The following FGF12 variants were observed in gnomAD, a reference collection of about 807,000 sequenced individuals.
The protein encoded by FGF12 is fibroblast growth factor 12, also known as fibroblast growth factor 12B.
A neutral mutation model predicts 23.6 loss-of-function variants in FGF12; 14 were observed. The observed-to-expected ratio is 0.59, with a 90% confidence interval of 0.39 to 0.93. The LOEUF is 0.93. Among genes scored for constraint, FGF12 ranks in the 40% least tolerant of loss-of-function variants. The pLI, the probability that FGF12 is intolerant of heterozygous loss-of-function variation, is 0.00. For missense variants in FGF12, 175 were observed against 217.8 expected, an observed-to-expected ratio of 0.80 and a Z score of 1.24; for synonymous variants, 62 against 77.3, an observed-to-expected ratio of 0.80 and a Z score of 1.04.
chr3:192,680,092 G>T (rs950459387), intron 2 of FGF12, among the ~76,000 whole-genome samples: 1 of 151,900 alleles, frequency 6.6e-6, no homozygotes, highest in East Asian at 1.9e-4. Flanking sequence ...TCGATGTTTC[G>T]CATTGCCTCA....
intron 4 of FGF12, among the ~76,000 whole-genome samples, chr3:192,195,980 T>C (rs546407179): frequency 1.3e-5 from 2 of 152,306 alleles, no homozygotes; most frequent in Admixed American, 1.3e-4. Flanking sequence ...CTAACTGTAT[T>C]ACATACACTT....
chr3:192,194,800 G>C (rs1303353308), intron 4 of FGF12, among the ~76,000 whole-genome samples: 1 of 152,102 alleles, frequency 6.6e-6, no homozygotes, highest in Non-Finnish European at 1.5e-5. Context: ...TAAGGAATTT[G>C]ATCATTTTTA....
intron 2 of FGF12, among the ~76,000 whole-genome samples, chr3:192,585,192 A>T (rs1713324556): frequency 6.6e-6 from 1 of 152,122 alleles, no homozygotes; most frequent in East Asian, 1.9e-4. Flanking sequence ...GGTCCAAACA[A>T]TACTATGGAG....
In FGF12 at chr3:192,706,440, G is replaced by A. The variant is rs555741690; in HGVS notation, c.13+20741C>T. Among the ~76,000 whole-genome samples the A allele has an allele frequency of 9.2e-5, 14 of 152,110 alleles. No individual in the cohort carries two copies. In the South Asian group the frequency reaches 1.0e-3, roughly 11 times the overall value. ...CACGTTAAGTCACCGACTGACCGCC[G>A]AACAGCACCCGGATGAATTCCAGAT... is the stretch of plus-strand genomic sequence containing the variant. On this transcript the variant is annotated intron_variant, in intron 2 of 5. Transcript: ENST00000445105.
At chr3:192,331,255 T>C (rs1577359913) in intron 4 of FGF12, among the ~76,000 whole-genome samples, 1 of 148,526 alleles carries the variant, frequency 6.7e-6, no homozygotes, top group East Asian at 2.0e-4. Context: ...TTTCGTGCAC[T>C]GTTGGTGGGA....
intron 4 of FGF12, among the ~76,000 whole-genome samples, chr3:192,333,715 AG>A (rs1717244202): frequency 6.6e-6 from 1 of 152,262 alleles, no homozygotes; most frequent in East Asian, 1.9e-4. Context: ...TTGGAGCTAA[AG>A]GAAAATTTTC....
chr3:192,473,542 C>A (rs1723233832), intron 2 of FGF12, among the ~76,000 whole-genome samples: 1 of 152,074 alleles, frequency 6.6e-6, no homozygotes, highest in Admixed American at 6.6e-5. Context: ...ACTTATATAC[C>A]AATATGTCAT....
At chr3:192,367,388 G>A (rs2108740120) in intron 2 of FGF12, among the ~76,000 whole-genome samples, 1 of 152,296 alleles carries the variant, frequency 6.6e-6, no homozygotes, top group South Asian at 2.1e-4. Flanking sequence ...GCTGTTAAAT[G>A]TGATTCTTGT....
chr3:192,692,984 A>T lies in FGF12; in HGVS notation c.13+34197T>A, dbSNP rs886144492. 9.2e-5 allele frequency among the ~76,000 whole-genome samples: 14 copies of T among 152,204 alleles called. No homozygotes were observed. The South Asian group carries it at 1.0e-3, about 11-fold the overall frequency. ...CAAGAATAACCAGAAAAGAAAAAAAAAAATAAAAGGTATCCAAATATAAAC... is the reference window on the plus strand; with the variant it reads ...CAAGAATAACCAGAAAAGAAAAAAATAAATAAAAGGTATCCAAATATAAAC... On this transcript the variant is annotated intron_variant, in intron 2 of 5. Transcript: ENST00000445105.
intron 4 of FGF12, among the ~76,000 whole-genome samples, chr3:192,230,410 A>T (rs1288012889): frequency 6.6e-6 from 1 of 152,164 alleles, no homozygotes; most frequent in Non-Finnish European, 1.5e-5. Flanking sequence ...AGCAAATTTT[A>T]GACTGCACAT....
intron 4 of FGF12, among the ~76,000 whole-genome samples, chr3:192,290,422 G>T (rs978393649): frequency 1.3e-5 from 2 of 152,076 alleles, no homozygotes; most frequent in African/African-American, 4.8e-5. Flanking sequence ...AGATAAAGGC[G>T]TAGGAGCTTT....
chr3:192,458,133 G>A (rs1170751179), intron 2 of FGF12, among the ~76,000 whole-genome samples: 2 of 152,224 alleles, frequency 1.3e-5, no homozygotes, highest in African/African-American at 2.4e-5. Context: ...ACGCCTGGAT[G>A]CCCAGGCGAA....
At chr3:192,636,213 A>G (rs1715577137) in intron 2 of FGF12, among the ~76,000 whole-genome samples, 1 of 152,186 alleles carries the variant, frequency 6.6e-6, no homozygotes, top group Non-Finnish European at 1.5e-5. Flanking sequence ...ATCACCCTAG[A>G]TTGTCAGTTC....
chr3:192,597,344 CA>C (rs1319884422), intron 2 of FGF12, among the ~76,000 whole-genome samples: 2 of 152,140 alleles, frequency 1.3e-5, no homozygotes. Flanking sequence ...CATATTATTG[CA>C]ATACTAATAC....
At chr3:192,631,215 AC>A (rs1439674301) in intron 2 of FGF12, among the ~76,000 whole-genome samples, 2 of 151,916 alleles carry the variant, frequency 1.3e-5, no homozygotes, top group Non-Finnish European at 2.9e-5. Context: ...TTTGCTTTTC[AC>A]TTCCCCTTTC....
chr3:192,286,389 G>A (rs1714449345), intron 4 of FGF12, among the ~76,000 whole-genome samples: 1 of 152,004 alleles, frequency 6.6e-6, no homozygotes, highest in South Asian at 2.1e-4. Context: ...TGTTACTAGT[G>A]CTGAGTACTG....
chr3:192,628,743 A>G (rs1715275926), intron 2 of FGF12, among the ~76,000 whole-genome samples: 2 of 150,298 alleles, frequency 1.3e-5, no homozygotes, highest in African/African-American at 4.9e-5. Flanking sequence ...ACACATATAT[A>G]CATAAATATA....
At chr3:192,648,936 CTCATTCTTGGAATGATTTCAAG>C (rs1170086703) in intron 2 of FGF12, among the ~76,000 whole-genome samples, 3 of 152,130 alleles carry the variant, frequency 2.0e-5, no homozygotes, top group Non-Finnish European at 4.4e-5. Flanking sequence ...AATCAAGGAA[CTCATTCTTGGAATGATTTCAAG>C]TCATCCTTCT....
intron 4 of FGF12, among the ~76,000 whole-genome samples, chr3:192,192,128 T>C (rs1053735942): frequency 6.6e-6 from 1 of 152,136 alleles, no homozygotes; most frequent in Admixed American, 6.5e-5. Flanking sequence ...TTTAACATGC[T>C]AAATGAAGAT....
Sources: gnomAD v4.1 joint callset for allele counts (sites outside exome capture counted in the v4.1 genomes callset) on GRCh38, gnomAD v4.1.1 for gene constraint, MANE v1.5 for transcripts, NCBI Gene and HGNC (gene_info 2026-07-23, HGNC 2026-07-21) for gene names.